Variants in KMT2D observed in about 807,000 individuals in gnomAD.
KMT2D encodes the protein histone-lysine N-methyltransferase 2D.
A neutral mutation model predicts 512.7 loss-of-function variants in KMT2D; 55 were observed. The observed-to-expected ratio is 0.11, with a 90% CI of 0.09 to 0.13. KMT2D has a LOEUF of 0.13. Among genes scored for constraint, KMT2D ranks in the 10% least tolerant of loss-of-function variants. KMT2D has a pLI of 1.00. For missense variants in KMT2D, 6,061 were observed against 7,127.9 expected (o/e 0.85, Z 5.39); for synonymous variants, 2,995 against 2,904.0 (o/e 1.03, Z -1.01).
intron 1 of KMT2D, among the ~76,000 whole-genome samples, chr12:49,058,661 G>C (rs1350407055): frequency 6.6e-6 from 1 of 152,186 alleles, no homozygotes; most frequent in Non-Finnish European, 1.5e-5. Flanking sequence ...CTCCTCCAGA[G>C]AGACACAGGC....
intron 12 of KMT2D, 49 bp downstream of exon 12, chr12:49,049,633 T>C (rs2120637069): frequency 6.6e-7 from 1 of 1,518,708 alleles, no homozygotes; most frequent in South Asian, 1.3e-5. Context: ...ACTGTACCTC[T>C]GACAGTGGGC....
chr12:49,029,214 C>G lies in KMT2D; in HGVS notation c.14098G>C (p.Asp4700His), dbSNP rs369583907. 1 of 1,613,600 alleles carries G rather than the reference C, an allele frequency of 6.2e-7. No homozygotes were observed. Among genetic ancestry groups the G allele is most frequent in the Non-Finnish European group, 8.5e-7 (1 of 1,179,532 alleles). ...GCTGGCACAATGCTGTCAGGAGAATCGCTATCCTCATCACTCTCCATCCTG... is the reference window on the plus strand; with the variant it reads ...GCTGGCACAATGCTGTCAGGAGAATGGCTATCCTCATCACTCTCCATCCTG... ...DVRMESDEDS[D>H]SPDSIVPASS... is the part of the protein sequence containing the mutation. Residue 4700 changes from aspartate (D) to histidine (H), a missense_variant, in exon 45 of 55, where the codon GAT becomes CAT. Asp to His is a moderately conservative substitution (Grantham distance 81). Around this residue, in one of 16 missense-constraint regions of KMT2D, gnomAD observed 1,600 missense variants for 1,754.9 expected, o/e 0.91. Coordinates refer to ENST00000301067, the MANE Select transcript of KMT2D (RefSeq NM_003482.4).
At position 49,052,544 on chromosome 12, in the gene KMT2D, G is replaced by A. The variant is rs767763351; in HGVS notation, c.1258+20C>T. 2.5e-6 allele frequency: 4 copies of A among 1,609,684 alleles called. No homozygotes were observed. Among genetic ancestry groups the A allele is most frequent in the Non-Finnish European group, 3.4e-6 (4 of 1,177,150 alleles). On this transcript the variant is annotated intron_variant, in intron 10 of 54. Transcript: ENST00000301067. ...AGAATAAAAGGGGATGAATTTCAGG[G>A]ACCCTCAAACCCTACTCACCTAGTG... is the stretch of plus-strand genomic sequence containing the variant.
Position 49,038,090 on chromosome 12 carries a change from A to G in KMT2D, c.9266T>C (p.Val3089Ala), listed in dbSNP as rs1565787643. ...CTCAGGGCCCAAGGGTCCTGGCTCC[A>G]CCCCCCGCAGCAGGGCCTCCCGTTC... The part of the protein sequence containing the change: ...KAEREALLRG[V>A]EPGPLGPEER... Residue 3089 changes from valine to alanine, a missense_variant, in exon 35 of 55, where the codon GTG (valine) becomes GCG (alanine). Val to Ala is a moderately conservative substitution (Grantham distance 64). Coordinates refer to ENST00000301067, the MANE Select transcript of KMT2D (RefSeq NM_003482.4). This position sits in a 1 kb window ranked among gnomAD's most constrained non-coding sequence, Gnocchi z 5.7. 7 of 1,612,872 alleles carry G rather than the reference A, an allele frequency of 4.3e-6. No homozygotes were observed. The highest frequency in any genetic ancestry group is 5.1e-6 in the Non-Finnish European group (6 of 1,179,626).
rs374232950 is a variant in KMT2D, at chr12:49,027,800, T to A, written c.14643+3A>T. 20 of 1,560,260 alleles carry A rather than the reference T, an allele frequency of 1.3e-5. No individual in the cohort carries two copies. In the African/African-American group the frequency reaches 2.0e-4, roughly 16 times the overall value. On this transcript the variant is annotated splice_donor_region_variant and intron_variant, in intron 48 of 54. Coordinates refer to ENST00000301067, the MANE Select transcript of KMT2D (RefSeq NM_003482.4). ...CCCACCCCTTTTTCTCCCCCAGACC[T>A]ACCTGTTTCAGGAGGCTCAAGATGT...
At chr12:49,037,044 T>G (rs1239607753) in intron 35 of KMT2D, 81 bp downstream of exon 35, 79 of 1,490,394 alleles carry the variant, frequency 5.3e-5, no homozygotes, top group South Asian at 2.8e-4. Context: ...AGGGATTATC[T>G]GAGGTCTCTA....
chr12:49,036,047 T>G (rs1943199449), intron 35 of KMT2D: 1 of 152,224 alleles, frequency 6.6e-6, no homozygotes, highest in South Asian at 2.1e-4. Context: ...CAATACCTAT[T>G]TAATGAGTCT....
In KMT2D at chr12:49,052,253, G is replaced by A. The variant is rs2120683938; in HGVS notation, c.1430C>T (p.Ser477Phe). 3 of 1,611,596 alleles carry A rather than the reference G, an allele frequency of 1.9e-6. No homozygotes were observed. The highest frequency in any genetic ancestry group is 2.5e-6 in the Non-Finnish European group (3 of 1,178,730). ...CAGGTGCAATGCCTCAGGAAGTGGG[G>A]ATGCGGGCAATTCCTCAGGTGGTGG... ...LSPPPEELPA[S>F]PLPEALHLSR... is the part of the protein sequence containing the mutation. The change falls in exon 11 of 55, where the codon TCC (serine) becomes TTC (phenylalanine). Residue 477 changes from serine to phenylalanine, a missense_variant. Physicochemically the swap from Ser to Phe is radical, Grantham distance 155. Around this residue, in one of 16 missense-constraint regions of KMT2D, gnomAD observed 848 missense variants for 838.5 expected, o/e 1.01. Transcript: ENST00000301067.
chr12:49,034,506 T>C (rs1473386736), intron 37 of KMT2D, 30 bp from the exon 38 acceptor site: 10 of 1,612,808 alleles, frequency 6.2e-6, no homozygotes, highest in African/African-American at 1.3e-5. Context: ...TAAAGGGTCA[T>C]TGTTCCCTGC....
At chr12:49,045,407 GC>G (rs918466905) in intron 19 of KMT2D, among the ~76,000 whole-genome samples, 1 of 152,164 alleles carries the variant, frequency 6.6e-6, no homozygotes, top group African/African-American at 2.4e-5. Flanking sequence ...CCTTTGGGAG[GC>G]CGAGGCTGGC....
At position 49,026,647 on chromosome 12, in the gene KMT2D, T is replaced by A. The variant is rs1254730164; in HGVS notation, c.15319A>T (p.Met5107Leu). 6.2e-7 allele frequency: 1 copy of A among 1,613,908 alleles called. No homozygotes were observed. The highest frequency in any genetic ancestry group is 1.3e-5 in the African/African-American group (1 of 74,948). The change falls in exon 49 of 55, where the codon ATG (methionine) becomes TTG (leucine). Residue 5107 changes from methionine to leucine, a missense_variant. Met to Leu is a conservative substitution (Grantham distance 15). Coordinates refer to ENST00000301067, the MANE Select transcript of KMT2D (RefSeq NM_003482.4). The surrounding 1 kb of genome is among the most constrained non-coding windows in gnomAD (Gnocchi z 9.6). The stretch of plus-strand genomic sequence containing the variant: ...AAATGGTAGACATTGGGGCAACGCA[T>A]GCGATTGCAGCTGCTGGTGGCACCA... ...RTGATSSCNR[M>L]RCPNVYHFAC...
At position 49,022,616 on chromosome 12, in the gene KMT2D, G is replaced by T. The variant is rs1314343736; in HGVS notation, c.16312C>A (p.Arg5438=). ...GTIIRNEVAN[R]REKIYEEQNR... is the part of the protein sequence containing the mutation. The stretch of plus-strand genomic sequence containing the variant: ...TGCTCTTCGTAGATTTTCTCCCGCC[G>T]GTTGGCCACCTCGTTCCGAATGATG... Residue 5438 remains arginine (R), a synonymous_variant, in exon 52 of 55, where the codon CGG becomes AGG. Transcript: ENST00000301067. The surrounding 1 kb of genome is among the most constrained non-coding windows in gnomAD (Gnocchi z 8.6). 6.2e-7 allele frequency: 1 copy of T among 1,613,762 alleles called. No homozygotes were observed. The highest frequency in any genetic ancestry group is 8.5e-7 in the Non-Finnish European group (1 of 1,179,730).
At chr12:49,036,262 A>G (rs1276808328) in intron 35 of KMT2D, among the ~76,000 whole-genome samples, 1 of 151,162 alleles carries the variant, frequency 6.6e-6, no homozygotes, top group Non-Finnish European at 1.5e-5. Flanking sequence ...AACATCCCAT[A>G]GGTTTTCCCA....
Position 49,050,647 on chromosome 12 carries a change from G to T in KMT2D, c.2941C>A (p.Pro981Thr). The stretch of plus-strand genomic sequence containing the variant: ...TTAGCTTCTGGTGGAGGGCTGATGG[G>T]TGTCTCCAGGATGGGGGCAGCCAAC... ...SPLAAPILET[P>T]ISPPPEANCT... The change falls in exon 12 of 55, where the codon CCC becomes ACC. Residue 981 changes from proline to threonine, a missense_variant. By Grantham distance (38) the Pro-to-Thr change is conservative. Transcript: ENST00000301067. 2 of 1,613,454 alleles carry T rather than the reference G, an allele frequency of 1.2e-6. No homozygotes were observed. Among genetic ancestry groups the T allele is most frequent in the South Asian group, 1.1e-5 (1 of 91,054 alleles).
rs1471073315 is a variant in KMT2D at position 49,044,387 on chromosome 12, C to T, written c.5083+16G>A. On this transcript the variant is annotated intron_variant, in intron 21 of 54. Transcript: ENST00000301067. The surrounding 1 kb of genome is among the most constrained non-coding windows in gnomAD (Gnocchi z 6.4). ...GCACCACCCCACCACCCCACAACCC[C>T]ATCCCAGGACCTCACCAGGCCGATA... is the stretch of plus-strand genomic sequence containing the variant. 1 of 1,613,836 alleles carries T rather than the reference C, an allele frequency of 6.2e-7. No homozygotes were observed. The highest frequency in any genetic ancestry group is 1.3e-5 in the African/African-American group (1 of 74,914).
Position 49,022,804 on chromosome 12 carries a change from G to C in KMT2D, c.16124C>G (p.Pro5375Arg), listed in dbSNP as rs760938205. Residue 5375 changes from proline to arginine, a missense_variant, in exon 52 of 55, where the codon CCC becomes CGC. Transcript: ENST00000301067. This position sits in a 1 kb window ranked among gnomAD's most constrained non-coding sequence, Gnocchi z 8.6. ...QSTFTGETNT[P>R]YSKQFVHSKS... ...GGAGTGCACAAACTGCTTGCTGTAGGGGGTGTTGGTCTCGCCTGTGAAGGT... is the reference window on the plus strand; with the variant it reads ...GGAGTGCACAAACTGCTTGCTGTAGCGGGTGTTGGTCTCGCCTGTGAAGGT... 6.2e-7 allele frequency: 1 copy of C among 1,613,914 alleles called. No homozygotes were observed. Among genetic ancestry groups the C allele is most frequent in the Non-Finnish European group, 8.5e-7 (1 of 1,179,846 alleles).
rs923221279 is a variant in KMT2D, at chr12:49,030,133, G to T, written c.13999+147C>A. ...TTCTGGCCCCCAAGAAATCAGTCCT[G>T]AAAGGGCCCTTCCTACCTCAGGTGC... On this transcript the variant is annotated intron_variant, in intron 43 of 54. Transcript: ENST00000301067. The T allele has an allele frequency of 1.7e-5, 11 of 647,890 alleles. No individual in the cohort carries two copies. The Admixed American group carries it at 2.3e-4, about 14-fold the overall frequency. The allele number at this position is 647,890 out of a possible 1,614,324, so 40.1% of individuals were successfully genotyped here.
Position 49,038,851 on chromosome 12 carries a change from A to T in KMT2D, c.8505T>A (p.Ala2835=), listed in dbSNP as rs2120504896. 6.4e-7 allele frequency: 1 copy of T among 1,553,592 alleles called. No individual in the cohort carries two copies. Among genetic ancestry groups the T allele is most frequent in the Non-Finnish European group, 8.7e-7 (1 of 1,148,040 alleles). Residue 2835 remains alanine (A), a synonymous_variant, in exon 35 of 55, where the codon GCT becomes GCA. Transcript: ENST00000301067. The surrounding 1 kb of genome is among the most constrained non-coding windows in gnomAD (Gnocchi z 5.7). ...AATSMRFAMS[A]RFPSTPGPEL... ...CAGGTCCAGGAGTTGATGGAAAGCG[A>T]GCTGACATGGCAAATCGCATGGAGG...
Position 49,039,231 on chromosome 12 carries a change from A to G in KMT2D, c.8357T>C (p.Val2786Ala). The change falls in exon 34 of 55, where the codon GTG (valine) becomes GCG (alanine). Residue 2786 changes from valine (V) to alanine (A), a missense_variant. Val to Ala is a moderately conservative substitution (Grantham distance 64). Coordinates refer to ENST00000301067, the MANE Select transcript of KMT2D (RefSeq NM_003482.4). The surrounding 1 kb of genome is among the most constrained non-coding windows in gnomAD (Gnocchi z 5.0). ...PPPATPSSMD[V>A]NSRQLVGGSQ... ...CCTCCTGGAGCCTCACCGGCTGTTCACATCCATAGAGGAAGGCGTGGCTGG... is the reference window on the plus strand; with the variant it reads ...CCTCCTGGAGCCTCACCGGCTGTTCGCATCCATAGAGGAAGGCGTGGCTGG... 3.1e-6 allele frequency: 5 copies of G among 1,613,782 alleles called. No individual in the cohort carries two copies. Among genetic ancestry groups the G allele is most frequent in the Non-Finnish European group, 4.2e-6 (5 of 1,179,864 alleles).
Sources: gnomAD v4.1 joint callset for allele counts (sites outside exome capture counted in the v4.1 genomes callset) on GRCh38, gnomAD v4.1.1 for gene constraint, gnomAD v4.1.1 regional missense constraint, Gnocchi (gnomAD v3.1) non-coding constraint, MANE v1.5 for transcripts, NCBI Gene and HGNC (gene_info 2026-07-23, HGNC 2026-07-21) for gene names.